Variants in TRIQK observed in about 807,000 individuals in gnomAD.
TRIQK encodes triple QxxK/R motif containing, also known as triple QxxK/R motif-containing protein.
TRIQK carries 10 observed loss-of-function variants against 10.8 expected under a neutral mutation model. That is an observed-to-expected ratio of 0.92 (90% CI 0.57 to 1.57). TRIQK has a LOEUF of 1.57. Among genes scored for constraint, TRIQK ranks in the 40% most tolerant of loss-of-function variants. The probability of loss-of-function intolerance (pLI) is 0.00; values close to 1 mark genes in which losing one functional copy is unlikely to be tolerated. For missense variants in TRIQK, 107 were observed against 97.7 expected, an observed-to-expected ratio of 1.09 and a Z score of -0.40; for synonymous variants, 33 against 33.7, an observed-to-expected ratio of 0.98 and a Z score of 0.07.
chr8:92,922,306 T>C (rs1169448651), intron 2 of TRIQK: 13 of 152,006 alleles, frequency 8.6e-5, no homozygotes, highest in African/African-American at 3.1e-4. Context: ...CATTTATTAA[T>C]TGTAAATAGG....
chr8:92,930,176 G>C (rs1388082807), intron 2 of TRIQK, among the ~76,000 whole-genome samples: 1 of 151,502 alleles, frequency 6.6e-6, no homozygotes, highest in Non-Finnish European at 1.5e-5. Context: ...TCGGGAGTTT[G>C]ATATCAGCCT....
chr8:92,930,390 CAAAAAAAA>C (rs66513185), intron 2 of TRIQK, among the ~76,000 whole-genome samples: 3 of 47,160 alleles, frequency 6.4e-5, no homozygotes, highest in South Asian at 1.3e-3. Flanking sequence ...ACTAGGTCTC[CAAAAAAAA>C]AAAAAAAAAA....
Position 92,892,021 on chromosome 8 carries a change from C to G in TRIQK, c.115G>C (p.Ala39Pro), listed in dbSNP as rs768275179. 1.1e-5 allele frequency: 17 copies of G among 1,533,364 alleles called. No individual in the cohort carries two copies. The highest frequency in any genetic ancestry group is 1.7e-4 in the Middle Eastern group (1 of 5,976). 95.0% of individuals were successfully genotyped at this position (1,533,364 alleles called of 1,614,324 possible). A position where few individuals can be genotyped will look rare whatever the true frequency, so the allele number is the denominator to read the frequency against. ...CCTATTGCTGTTTTCTTTGCTTCTG[C>G]TTTTAATTTGGTTGCTCGTAAAATA... ...KPILRATKLK[A>P]EAKKTAIGIK... Residue 39 changes from alanine to proline, a missense_variant, in exon 4 of 5, where the codon GCA becomes CCA. Ala to Pro is a conservative substitution (Grantham distance 27, BLOSUM62 -1). Transcript: ENST00000521988.
At chr8:93,012,676 C>T (rs781675260) in intron 1 of TRIQK, among the ~76,000 whole-genome samples, 1 of 152,114 alleles carries the variant, frequency 6.6e-6, no homozygotes, top group African/African-American at 2.4e-5. Context: ...TTCACTATCT[C>T]CTAACAAAGT....
chr8:93,014,858 G>T (rs1286354890), intron 1 of TRIQK, among the ~76,000 whole-genome samples: 2 of 151,988 alleles, frequency 1.3e-5, no homozygotes, highest in African/African-American at 4.8e-5. Context: ...AGTCTGAAAT[G>T]ATTTTCTCAT....
chr8:93,011,000 A>T (rs934167333), intron 1 of TRIQK, among the ~76,000 whole-genome samples: 21 of 152,132 alleles, frequency 1.4e-4, no homozygotes, highest in Non-Finnish European at 2.1e-4. Context: ...ACTTTGAAGC[A>T]TGTCAGCTAT....
chr8:93,010,610 A>G (rs1196418130), intron 1 of TRIQK, among the ~76,000 whole-genome samples: 1 of 152,168 alleles, frequency 6.6e-6, no homozygotes, highest in Non-Finnish European at 1.5e-5. Flanking sequence ...ATACTTTTAT[A>G]AGAATAAAAC....
intron 1 of TRIQK, among the ~76,000 whole-genome samples, chr8:93,013,476 G>A (rs535199170): frequency 7.2e-5 from 11 of 151,930 alleles, no homozygotes; most frequent in Admixed American, 3.9e-4. Flanking sequence ...AGGTTGGGAG[G>A]GAGGAAGAGA....
At chr8:92,944,527 C>T (rs1811424489) in intron 2 of TRIQK, among the ~76,000 whole-genome samples, 1 of 151,882 alleles carries the variant, frequency 6.6e-6, no homozygotes, top group Admixed American at 6.6e-5. Flanking sequence ...ACTATCCAGC[C>T]ATAAAAAAGA....
chr8:92,991,453 G>C (rs1813095768), intron 1 of TRIQK, among the ~76,000 whole-genome samples: 1 of 152,174 alleles, frequency 6.6e-6, no homozygotes, highest in Non-Finnish European at 1.5e-5. Flanking sequence ...CATGCCTCCT[G>C]ACTGGGAGAC....
At chr8:93,004,155 G>A (rs2130758928) in intron 1 of TRIQK, among the ~76,000 whole-genome samples, 1 of 152,346 alleles carries the variant, frequency 6.6e-6, no homozygotes, top group Non-Finnish European at 1.5e-5. Flanking sequence ...GGTTATTCAT[G>A]AAGGATCTAG....
intron 1 of TRIQK, among the ~76,000 whole-genome samples, chr8:93,000,985 T>C (rs1813205341): frequency 1.3e-5 from 2 of 151,962 alleles, no homozygotes; most frequent in Admixed American, 1.3e-4. Context: ...ATAATAAACT[T>C]GAATGTAAAT....
At chr8:92,904,138 G>A (rs1291425515) in intron 3 of TRIQK, among the ~76,000 whole-genome samples, 1 of 150,294 alleles carries the variant, frequency 6.7e-6, no homozygotes, top group Non-Finnish European at 1.5e-5. Context: ...CAGATAAGTT[G>A]ATTAAAAAAA....
intron 2 of TRIQK, among the ~76,000 whole-genome samples, chr8:92,925,970 C>CT (rs1326780127): frequency 2.6e-5 from 4 of 152,010 alleles, no homozygotes; most frequent in African/African-American, 7.2e-5. Context: ...GTCCCAGCTA[C>CT]TAGGGAGGCT....
At chr8:92,936,873 T>A (rs995233724) in intron 2 of TRIQK, among the ~76,000 whole-genome samples, 1 of 151,746 alleles carries the variant, frequency 6.6e-6, no homozygotes, top group Non-Finnish European at 1.5e-5. Context: ...AAAGCAGCTA[T>A]AAATACTATG....
rs1455835727 is a variant in TRIQK, at chr8:92,933,594, G to A, written c.-21-16584C>T. 3.3e-5 allele frequency among the ~76,000 whole-genome samples: 5 copies of A among 152,004 alleles called. No homozygotes were observed. In the South Asian group the frequency reaches 1.0e-3, roughly 32 times the overall value. On this transcript the variant is annotated intron_variant, in intron 2 of 4. Transcript: ENST00000521988. Reference sequence around the variant, plus strand: ...AAACATATGACTGTCTGCAAAATGGGTAGATAAAAGAATAAAACCAGTGTT... The same window carrying A: ...AAACATATGACTGTCTGCAAAATGGATAGATAAAAGAATAAAACCAGTGTT...
chr8:92,890,484 T>G (rs1816705466), intron 4 of TRIQK, among the ~76,000 whole-genome samples: 1 of 151,774 alleles, frequency 6.6e-6, no homozygotes, highest in Non-Finnish European at 1.5e-5. Context: ...TACAGTGTTT[T>G]TAAAAAGACA....
chr8:93,017,423 C>T (rs970761382), intron 1 of TRIQK, among the ~76,000 whole-genome samples: 4 of 152,164 alleles, frequency 2.6e-5, no homozygotes, highest in Non-Finnish European at 4.4e-5. Flanking sequence ...TGAAAACAGA[C>T]ACAGTTGTCC....
At chr8:92,950,561 G>GT (rs1758248775) in intron 2 of TRIQK, among the ~76,000 whole-genome samples, 1 of 152,070 alleles carries the variant, frequency 6.6e-6, no homozygotes, top group African/African-American at 2.4e-5. Context: ...TACTAAGTCT[G>GT]TAAGTCACAA....
Sources: allele counts gnomAD v4.1 joint callset (sites outside exome capture counted in the v4.1 genomes callset), GRCh38; gene constraint gnomAD v4.1.1; transcripts MANE v1.5; gene names NCBI Gene and HGNC (gene_info 2026-07-23, HGNC 2026-07-21).